The following RGL1 variants were observed in gnomAD, a reference collection of about 807,000 sequenced individuals.
The protein encoded by RGL1 is ral guanine nucleotide dissociation stimulator like 1.
Under a neutral mutation model 95.2 loss-of-function variants are expected in RGL1, and 24 were observed. That is an observed-to-expected ratio of 0.25 (90% CI 0.18 to 0.35). The LOEUF is 0.35. Among genes scored for constraint, RGL1 ranks in the 10% least tolerant of loss-of-function variants. The pLI, the probability that RGL1 is intolerant of heterozygous loss-of-function variation, is 1.00. For synonymous variants in RGL1, 329 were observed against 344.9 expected (o/e 0.95, Z 0.51); for missense variants, 715 against 936.3 (o/e 0.76, Z 3.08).
chr1:183,764,101 G>C (rs1191921376), intron 2 of RGL1, among the ~76,000 whole-genome samples: 4 of 152,142 alleles, frequency 2.6e-5, no homozygotes, highest in Non-Finnish European at 1.5e-5. Context: ...TTATTTGCAG[G>C]GGAGACCAGA....
At chr1:183,676,394 G>A (rs1352236486) in intron 1 of RGL1, among the ~76,000 whole-genome samples, 3 of 148,362 alleles carry the variant, frequency 2.0e-5, no homozygotes, top group Admixed American at 6.7e-5. Flanking sequence ...CCACATAGTT[G>A]AGCCATTCTC....
intron 1 of RGL1, chr1:183,646,725 GA>G (rs1012329248): frequency 6.6e-6 from 1 of 152,168 alleles, no homozygotes; most frequent in African/African-American, 2.4e-5. Flanking sequence ...CTAACAAAAA[GA>G]AAAAACATCT....
intron 1 of RGL1, among the ~76,000 whole-genome samples, chr1:183,725,856 A>T (rs976297566): frequency 4.6e-5 from 7 of 152,230 alleles, no homozygotes; most frequent in Non-Finnish European, 1.0e-4. Flanking sequence ...AATGCAAAAT[A>T]TACATTCTTT....
chr1:183,677,458 A>G (rs1308473596), intron 1 of RGL1, among the ~76,000 whole-genome samples: 1 of 152,084 alleles, frequency 6.6e-6, no homozygotes, highest in Non-Finnish European at 1.5e-5. Flanking sequence ...TTTGCCCATC[A>G]TTCTGTTCTG....
At chr1:183,835,224 C>G (rs1380573318) in intron 2 of RGL1, among the ~76,000 whole-genome samples, 1 of 125,802 alleles carries the variant, frequency 7.9e-6, no homozygotes, top group Non-Finnish European at 1.7e-5. Flanking sequence ...ATGCTACTTT[C>G]TTCTTTAAAT....
chr1:183,792,119 C>T (rs1660467047), intron 2 of RGL1, among the ~76,000 whole-genome samples: 1 of 152,076 alleles, frequency 6.6e-6, no homozygotes, highest in African/African-American at 2.4e-5. Flanking sequence ...ATTTTTATGT[C>T]CTCACCACAA....
intron 4 of RGL1, among the ~76,000 whole-genome samples, chr1:183,869,112 A>T (rs1666014266): frequency 6.6e-6 from 1 of 152,152 alleles, no homozygotes; most frequent in Admixed American, 6.5e-5. Context: ...AGTGAGTGAG[A>T]CCTTGTCTTA....
chr1:183,778,150 A>T (rs1033028937), intron 2 of RGL1, among the ~76,000 whole-genome samples: 31 of 151,958 alleles, frequency 2.0e-4, no homozygotes, highest in Non-Finnish European at 4.1e-4. Context: ...TGACTTTTAG[A>T]TGTGTATGTG....
In RGL1 at chr1:183,713,383, C is replaced by G. The variant is rs1010075012; in HGVS notation, c.-32-28743C>G. On this transcript the variant is annotated intron_variant, in intron 1 of 18. Coordinates refer to the RGL1 transcript ENST00000304685. ...AAAAAAAAATCTAGAGGCACCCCCC[C>G]CCCCCGCTTTTATAATGACCCTTTT... Among the ~76,000 whole-genome samples, 40 of 136,638 alleles carry G rather than the reference C, an allele frequency of 2.9e-4. 3 individuals carry two copies. In the South Asian group the frequency reaches 7.3e-3, roughly 25 times the overall value. The allele number at this position is 136,638 out of a possible 152,430, so 89.6% of individuals were successfully genotyped here. A position where few individuals can be genotyped will look rare whatever the true frequency, so the allele number is the denominator to read the frequency against.
chr1:183,920,373 T>G (rs542597085), intron 16 of RGL1, among the ~76,000 whole-genome samples: 118 of 152,306 alleles, frequency 7.7e-4, no homozygotes, highest in African/African-American at 2.7e-3. Flanking sequence ...AAACTTAAAA[T>G]GAAATATGTG....
chr1:183,703,093 T>C (rs1439354644), intron 1 of RGL1, among the ~76,000 whole-genome samples: 1 of 152,162 alleles, frequency 6.6e-6, no homozygotes, highest in African/African-American at 2.4e-5. Flanking sequence ...GTCTTGTGCC[T>C]TGGGACTAGG....
intron 1 of RGL1, among the ~76,000 whole-genome samples, chr1:183,714,723 T>C (rs1655506267): frequency 6.6e-6 from 1 of 152,206 alleles, no homozygotes; most frequent in Non-Finnish European, 1.5e-5. Context: ...TTTTTATCTT[T>C]TAATAACTGT....
intron 2 of RGL1, among the ~76,000 whole-genome samples, chr1:183,756,231 G>A (rs923601060): frequency 2.7e-5 from 4 of 150,296 alleles, no homozygotes; most frequent in African/African-American, 7.3e-5. Context: ...TTGCTCTGTC[G>A]TCCAGGCTGG....
Position 183,878,478 on chromosome 1 carries a change from G to A in RGL1, c.426-2138G>A, listed in dbSNP as rs550787236. Among the ~76,000 whole-genome samples, 45 of 152,178 alleles carry A rather than the reference G, an allele frequency of 3.0e-4. No homozygotes were observed. The South Asian group carries it at 7.5e-3, about 25-fold the overall frequency. ...CTCCCAAAGTGCTGGGATTACAGGC[G>A]TGAGCCACCACACCTGGCACATATT... On this transcript the variant is annotated intron_variant, in intron 4 of 17. Transcript: ENST00000360851.
At chr1:183,732,707 G>A (rs953380228) in intron 1 of RGL1, among the ~76,000 whole-genome samples, 3 of 152,132 alleles carry the variant, frequency 2.0e-5, no homozygotes, top group Admixed American at 6.6e-5. Flanking sequence ...TGAACAGCTG[G>A]TGCTATTGTG....
chr1:183,740,735 G>A (rs1199905278), intron 1 of RGL1, among the ~76,000 whole-genome samples: 39 of 152,094 alleles, frequency 2.6e-4, no homozygotes, highest in Admixed American at 2.6e-3. Flanking sequence ...AAAGTTAAAA[G>A]GAAGAGGTAA....
intron 3 of RGL1, among the ~76,000 whole-genome samples, chr1:183,848,849 T>G (rs1006543994): frequency 3.9e-5 from 6 of 152,098 alleles, no homozygotes; most frequent in African/African-American, 1.4e-4. Flanking sequence ...AAGTAAAATA[T>G]TTTTTTCTCC....
chr1:183,673,753 C>T (rs1477236363), intron 1 of RGL1, among the ~76,000 whole-genome samples: 1 of 152,188 alleles, frequency 6.6e-6, no homozygotes, highest in Non-Finnish European at 1.5e-5. Context: ...GCATTCTCTA[C>T]CTTTGTGGCC....
intron 1 of RGL1, among the ~76,000 whole-genome samples, chr1:183,687,368 T>A (rs1346182167): frequency 6.6e-6 from 1 of 152,230 alleles, no homozygotes. Flanking sequence ...TGGTGCTTGT[T>A]CAGTAGTTGG....
Sources: gnomAD v4.1 joint callset for allele counts (sites outside exome capture counted in the v4.1 genomes callset) on GRCh38, gnomAD v4.1.1 for gene constraint, MANE v1.5 for transcripts, NCBI Gene and HGNC (gene_info 2026-07-23, HGNC 2026-07-21) for gene names.